The following MCM2 variants were observed in gnomAD, a reference collection of about 807,000 sequenced individuals.
MCM2 encodes minichromosome maintenance complex component 2.
In MCM2, 49 loss-of-function variants were observed where a neutral mutation model predicts 86.4. The ratio of observed to expected loss-of-function variants is 0.57; its 90% confidence interval spans 0.45 to 0.72. The LOEUF (loss-of-function observed/expected upper bound fraction) is 0.72, where lower values mean the gene tolerates loss of function less well. MCM2 is among the 30% of genes least tolerant of loss of function. MCM2 has a pLI of 0.00. For missense variants in MCM2, 1,038 were observed against 1,259.9 expected, an observed-to-expected ratio of 0.82 and a Z score of 2.67; for synonymous variants, 475 against 484.6, an observed-to-expected ratio of 0.98 and a Z score of 0.26.
intron 2 of MCM2, among the ~76,000 whole-genome samples, chr3:127,602,150 A>G (rs2074310329): frequency 6.7e-6 from 1 of 150,006 alleles, no homozygotes; most frequent in African/African-American, 2.4e-5. Context: ...AATTTGATGA[A>G]GTCCAGTTTA....
chr3:127,620,467 G>A (rs559293833), intron 13 of MCM2, among the ~76,000 whole-genome samples: 19 of 152,324 alleles, frequency 1.2e-4, no homozygotes, highest in African/African-American at 4.3e-4. Flanking sequence ...GCAGAACTGT[G>A]CAGGTGTGAT....
chr3:127,606,892 G>T lies in MCM2; in HGVS notation c.1101+75G>T, dbSNP rs112060169. 2,391 of 1,446,678 alleles carry T rather than the reference G, an allele frequency of 1.7e-3. 12 individuals carry two copies. Among genetic ancestry groups the T allele is most frequent in the Non-Finnish European group, 1.9e-3 (1,950 of 1,033,444 alleles). The allele number at this position is 1,446,678 out of a possible 1,614,324, so 89.6% of individuals were successfully genotyped here. ...TATGCAGGACCTGACTGGCCTCTCAGGCTGTGGAAGACCAGTGTGGGCAGC... is the reference window on the plus strand; with the variant it reads ...TATGCAGGACCTGACTGGCCTCTCATGCTGTGGAAGACCAGTGTGGGCAGC... On this transcript the variant is annotated intron_variant, in intron 6 of 15. Transcript: ENST00000265056. The surrounding 1 kb of genome is among the most constrained non-coding windows in gnomAD (Gnocchi z 4.2).
chr3:127,621,307 A>G, intron 15 of MCM2, 79 bp downstream of exon 15: 2 of 1,552,442 alleles, frequency 1.3e-6, no homozygotes, highest in South Asian at 1.2e-5. Context: ...GCTCCATCAT[A>G]ATGGGTCATG....
chr3:127,600,291 TAAA>T (rs1395979762), intron 2 of MCM2, among the ~76,000 whole-genome samples: 2 of 152,052 alleles, frequency 1.3e-5, no homozygotes, highest in Non-Finnish European at 2.9e-5. Flanking sequence ...CAAAAATAAA[TAAA>T]TAAATAAGTT....
intron 14 of MCM2, 66 bp from the exon 15 acceptor site, chr3:127,621,007 G>C (rs901429920): frequency 1.4e-5 from 22 of 1,592,340 alleles, no homozygotes; most frequent in Non-Finnish European, 1.7e-5. Context: ...GTGCTGGCAC[G>C]TAGGGTAAAG....
Position 127,614,855 on chromosome 3 carries a change from G to C in MCM2, c.1429-1007G>C, listed in dbSNP as rs530750539. ...TGTTGACATGACCCTGGTTGTCTTT[G>C]AGTGATTTTTTGCTTTCTGGTAGAA... On this transcript the variant is annotated intron_variant, in intron 8 of 15. Coordinates refer to ENST00000265056, the MANE Select transcript of MCM2 (RefSeq NM_004526.4). Among the ~76,000 whole-genome samples, 4 of 152,282 alleles carry C rather than the reference G, an allele frequency of 2.6e-5. No individual in the cohort carries two copies. In the South Asian group the frequency reaches 8.3e-4, roughly 32 times the overall value.
intron 1 of MCM2, chr3:127,598,879 A>G: frequency 2.8e-6 from 1 of 353,302 alleles, no homozygotes; most frequent in Non-Finnish European, 5.1e-6. Context: ...TGTCTTGTAT[A>G]CTGTCTGTTC....
intron 8 of MCM2, among the ~76,000 whole-genome samples, chr3:127,611,978 C>T (rs143922265): frequency 1.4e-5 from 2 of 144,472 alleles, no homozygotes; most frequent in African/African-American, 2.9e-5. Context: ...GGATTACAGG[C>T]GTGAGCCACC....
chr3:127,612,126 C>A (rs2074403301), intron 8 of MCM2, among the ~76,000 whole-genome samples: 1 of 152,236 alleles, frequency 6.6e-6, no homozygotes, highest in Non-Finnish European at 1.5e-5. Flanking sequence ...CTCTGTGTTC[C>A]TCTCTGGTAA....
In MCM2 at chr3:127,608,468, C is replaced by T. The variant is rs941357673; in HGVS notation, c.1188C>T (p.Ala396=). 6 of 1,614,220 alleles carry T rather than the reference C, an allele frequency of 3.7e-6. No homozygotes were observed. Among genetic ancestry groups the T allele is most frequent in the Non-Finnish European group, 5.1e-6 (6 of 1,180,040 alleles). Residue 396 remains alanine, a synonymous_variant, in exon 7 of 16, where the codon GCC becomes GCT. Coordinates refer to ENST00000265056, the MANE Select transcript of MCM2 (RefSeq NM_004526.4). The part of the protein sequence containing the change: ...AAGRLPRSKD[A]ILLADLVDSC... ...GCCGGCTGCCCCGCTCCAAGGACGC[C>T]ATTCTCCTCGCAGATCTGGTGGACA...
intron 2 of MCM2, among the ~76,000 whole-genome samples, chr3:127,600,996 A>G (rs989983655): frequency 3.3e-5 from 5 of 152,056 alleles, no homozygotes; most frequent in Non-Finnish European, 5.9e-5. Context: ...ACCACAATCC[A>G]GTGTGAGAAC....
chr3:127,603,152 C>G (rs917099279), intron 2 of MCM2, among the ~76,000 whole-genome samples: 3 of 151,376 alleles, frequency 2.0e-5, no homozygotes, highest in Non-Finnish European at 4.4e-5. Flanking sequence ...AGGCGCCCAC[C>G]ACCGCGCCCA....
chr3:127,619,316 G>A, intron 13 of MCM2, 38 bp downstream of exon 13: 2 of 1,595,588 alleles, frequency 1.3e-6, no homozygotes, highest in African/African-American at 1.3e-5. Flanking sequence ...GCTATGCAGA[G>A]AAGGAAGTGC....
In MCM2 at chr3:127,606,985, G is replaced by C. The variant is rs2074356758; in HGVS notation, c.1101+168G>C. On this transcript the variant is annotated intron_variant, in intron 6 of 15. Coordinates refer to ENST00000265056, the MANE Select transcript of MCM2 (RefSeq NM_004526.4). The surrounding 1 kb of genome is among the most constrained non-coding windows in gnomAD (Gnocchi z 4.2). Reference sequence around the variant, plus strand: ...GTGGACCCAGTCTGTCTGGCCAGTGGACTTAGCTTGGCCCACACGACGTTT... The same window carrying C: ...GTGGACCCAGTCTGTCTGGCCAGTGCACTTAGCTTGGCCCACACGACGTTT... Among the ~76,000 whole-genome samples the C allele has an allele frequency of 6.6e-6, 1 of 152,096 alleles. No homozygotes were observed. The highest frequency in any genetic ancestry group is 2.1e-4 in the South Asian group (1 of 4,818).
rs1195449392 is a variant in MCM2, at chr3:127,618,148, A to G, written c.2013+67A>G. Reference sequence around the variant, plus strand: ...GGGACCTCAGGTGAGGCTTGGGGTCATACAGTGTGCCCAACACAGGGGACA... The same window carrying G: ...GGGACCTCAGGTGAGGCTTGGGGTCGTACAGTGTGCCCAACACAGGGGACA... On this transcript the variant is annotated intron_variant, in intron 12 of 15. Coordinates refer to ENST00000265056, the MANE Select transcript of MCM2 (RefSeq NM_004526.4). This position sits in a 1 kb window ranked among gnomAD's most constrained non-coding sequence, Gnocchi z 4.0. The G allele has an allele frequency of 3.1e-6, 4 of 1,289,334 alleles. No homozygotes were observed. The highest frequency in any genetic ancestry group is 1.8e-4 in the Middle Eastern group (1 of 5,464). The allele number at this position is 1,289,334 out of a possible 1,614,324, so 79.9% of individuals were successfully genotyped here. A position where few individuals can be genotyped will look rare whatever the true frequency, so the allele number is the denominator to read the frequency against.
Position 127,617,843 on chromosome 3 carries a change from T to G in MCM2, c.1901-126T>G. The G allele has an allele frequency of 1.4e-6, 1 of 709,500 alleles. No individual in the cohort carries two copies. The highest frequency in any genetic ancestry group is 2.5e-6 in the Non-Finnish European group (1 of 406,228). 44.0% of individuals were successfully genotyped at this position (709,500 alleles called of 1,614,324 possible). On this transcript the variant is annotated intron_variant, in intron 11 of 15. Coordinates refer to ENST00000265056, the MANE Select transcript of MCM2 (RefSeq NM_004526.4). The surrounding 1 kb of genome is among the most constrained non-coding windows in gnomAD (Gnocchi z 4.1). ...CTTTGCTGTCTCAGACAGCAGGTGC[T>G]AAGTACCCACCTATGTCTTCCTCTT...
intron 8 of MCM2, 125 bp from the exon 9 acceptor site, chr3:127,615,737 G>A: frequency 1.4e-6 from 1 of 702,800 alleles, no homozygotes. Context: ...TGATGCAGTT[G>A]CAGCAGCTGT....
Position 127,619,080 on chromosome 3 carries a change from CA to C in MCM2, c.2069del (p.Asn690ThrfsTer31). ...VGSHVRHHPSNKEEEGLANGS... is the reference protein window; with the variant it reads ...VGSHVRHHPSXKEEEGLANGS... ...GCAGCCACGTCAGACACCACCCCAGCAACAAGGAGGAGGAGGGGCTGGCCAA... is the reference window on the plus strand; with the variant it reads ...GCAGCCACGTCAGACACCACCCCAGCACAAGGAGGAGGAGGGGCTGGCCAA... On this transcript the variant is annotated frameshift_variant, in exon 13 of 16. Coordinates refer to ENST00000265056, the MANE Select transcript of MCM2 (RefSeq NM_004526.4). LOFTEE classifies it high-confidence loss of function. 6.2e-7 allele frequency: 1 copy of C among 1,612,612 alleles called. No individual in the cohort carries two copies. The highest frequency in any genetic ancestry group is 8.5e-7 in the Non-Finnish European group (1 of 1,179,048).
intron 8 of MCM2, among the ~76,000 whole-genome samples, chr3:127,615,661 T>C (rs1474473547): frequency 6.6e-6 from 1 of 152,234 alleles, no homozygotes; most frequent in Non-Finnish European, 1.5e-5. Context: ...TCCAAAGTTC[T>C]GTGACTCTTG....
Sources: gnomAD v4.1 joint callset for allele counts (sites outside exome capture counted in the v4.1 genomes callset) on GRCh38, gnomAD v4.1.1 for gene constraint, Gnocchi (gnomAD v3.1) non-coding constraint, MANE v1.5 for transcripts, NCBI Gene and HGNC (gene_info 2026-07-23, HGNC 2026-07-21) for gene names.